The following CAB39 variants were observed in gnomAD, a reference collection of about 807,000 sequenced individuals.
CAB39 encodes the protein calcium-binding protein 39.
In CAB39, 8 loss-of-function variants were observed where a neutral mutation model predicts 40.0. The ratio of observed to expected loss-of-function variants is 0.20; its 90% CI spans 0.12 to 0.36. The LOEUF (loss-of-function observed/expected upper bound fraction) is 0.36. Among genes scored for constraint, CAB39 ranks in the 10% least tolerant of loss-of-function variants. The pLI, the probability that CAB39 is intolerant of heterozygous loss-of-function variation, is 1.00. For synonymous variants in CAB39, 156 were observed against 141.6 expected, an observed-to-expected ratio of 1.10 and a Z score of -0.72; for missense variants, 270 against 401.1, an observed-to-expected ratio of 0.67 and a Z score of 2.79.
At chr2:230,809,374 G>C (rs2124979354) in intron 5 of CAB39, among the ~76,000 whole-genome samples, 1 of 152,354 alleles carries the variant, frequency 6.6e-6, no homozygotes, top group South Asian at 2.1e-4. Flanking sequence ...GTGGTTGGGA[G>C]AAAGGCGATG....
chr2:230,717,521 C>T (rs533332757), intron 1 of CAB39, among the ~76,000 whole-genome samples: 5 of 152,076 alleles, frequency 3.3e-5, no homozygotes, highest in Non-Finnish European at 5.9e-5. Context: ...CTCTACAGTC[C>T]GGAATATGGG....
intron 4 of CAB39, among the ~76,000 whole-genome samples, chr2:230,798,504 G>A (rs915287081): frequency 1.3e-5 from 2 of 152,126 alleles, no homozygotes; most frequent in Non-Finnish European, 2.9e-5. Flanking sequence ...TTTTTCTTTG[G>A]TTTAAGGCGG....
intron 1 of CAB39, among the ~76,000 whole-genome samples, chr2:230,730,859 C>T (rs754341944): frequency 1.3e-5 from 2 of 152,080 alleles, no homozygotes; most frequent in Non-Finnish European, 2.9e-5. Flanking sequence ...GCGATGATGG[C>T]CGAAGTGTTG....
At chr2:230,766,253 A>C (rs1695383612) in intron 2 of CAB39, among the ~76,000 whole-genome samples, 1 of 152,250 alleles carries the variant, frequency 6.6e-6, no homozygotes, top group East Asian at 1.9e-4. Context: ...CAATGCATAA[A>C]GAAGTGGTTT....
At chr2:230,736,295 G>A (rs959661053) in intron 1 of CAB39, among the ~76,000 whole-genome samples, 11 of 152,168 alleles carry the variant, frequency 7.2e-5, no homozygotes, top group African/African-American at 1.9e-4. Flanking sequence ...CTACACCCTC[G>A]TGCTAAAATT....
At chr2:230,809,230 C>T (rs931632387) in intron 5 of CAB39, among the ~76,000 whole-genome samples, 8 of 152,128 alleles carry the variant, frequency 5.3e-5, no homozygotes, top group Non-Finnish European at 1.0e-4. Context: ...GCACTTCCCT[C>T]GTTTGCTTGA....
intron 1 of CAB39, among the ~76,000 whole-genome samples, chr2:230,733,465 C>T (rs181283884): frequency 3.9e-5 from 6 of 152,298 alleles, no homozygotes; most frequent in Non-Finnish European, 5.9e-5. Context: ...ATTGCCTTGA[C>T]TTTTCTTCCT....
chr2:230,777,562 G>A (rs1695616626), intron 2 of CAB39, among the ~76,000 whole-genome samples: 1 of 151,774 alleles, frequency 6.6e-6, no homozygotes, highest in Non-Finnish European at 1.5e-5. Context: ...TGGGATTACA[G>A]GTACCTGGCT....
intron 2 of CAB39, among the ~76,000 whole-genome samples, chr2:230,768,671 A>T (rs563491284): frequency 6.6e-6 from 1 of 152,204 alleles, no homozygotes; most frequent in Non-Finnish European, 1.5e-5. Flanking sequence ...AAACGGGTCA[A>T]TTAGGTGGAG....
chr2:230,764,004 C>G (rs1695339838), intron 2 of CAB39, among the ~76,000 whole-genome samples: 1 of 151,980 alleles, frequency 6.6e-6, no homozygotes, highest in South Asian at 2.1e-4. Context: ...CACCTATAGT[C>G]CCAGCTACTC....
chr2:230,770,307 A>T (rs1047579222), intron 2 of CAB39, among the ~76,000 whole-genome samples: 3 of 152,208 alleles, frequency 2.0e-5, no homozygotes, highest in African/African-American at 7.2e-5. Context: ...ATTACCACAG[A>T]TTGTACAAGT....
intron 2 of CAB39, among the ~76,000 whole-genome samples, chr2:230,776,733 C>G (rs1695594027): frequency 6.6e-6 from 1 of 151,734 alleles, no homozygotes; most frequent in Non-Finnish European, 1.5e-5. Flanking sequence ...CTCTGTCACC[C>G]AGGCTGGCAT....
chr2:230,790,258 C>G (rs974666403), intron 2 of CAB39, among the ~76,000 whole-genome samples: 4 of 151,804 alleles, frequency 2.6e-5, no homozygotes, highest in African/African-American at 9.7e-5. Context: ...AAAAAAATGT[C>G]GTTTTATGTA....
intron 1 of CAB39, among the ~76,000 whole-genome samples, chr2:230,756,624 A>G (rs1380985438): frequency 6.6e-6 from 1 of 152,186 alleles, no homozygotes; most frequent in Non-Finnish European, 1.5e-5. Context: ...TATTACACTC[A>G]TACTTTAAAA....
intron 1 of CAB39, among the ~76,000 whole-genome samples, chr2:230,722,669 G>C (rs1367139735): frequency 2.6e-5 from 4 of 152,214 alleles, no homozygotes; most frequent in African/African-American, 9.6e-5. Context: ...GCCATGCATA[G>C]CGTGTCTGAT....
chr2:230,738,479 C>CT (rs1694824299), intron 1 of CAB39, among the ~76,000 whole-genome samples: 3 of 152,122 alleles, frequency 2.0e-5, no homozygotes, highest in Non-Finnish European at 4.4e-5. Context: ...CTTCATATGC[C>CT]AGTTAGTGTG....
At chr2:230,728,305 A>T (rs1694624458) in intron 1 of CAB39, among the ~76,000 whole-genome samples, 1 of 152,184 alleles carries the variant, frequency 6.6e-6, no homozygotes, top group African/African-American at 2.4e-5. Flanking sequence ...AAAATACAAA[A>T]TATAAGAACA....
Position 230,728,625 on chromosome 2 carries a change from T to A in CAB39, c.-44+15395T>A, listed in dbSNP as rs116775620. ...CCCCAATTTATCTTTTATATGTTTT[T>A]TTGAGACAGGGTCTTGCTTTATCAC... On this transcript the variant is annotated intron_variant, in intron 1 of 8. Transcript: ENST00000258418. Among the ~76,000 whole-genome samples, 1,465 of 152,298 alleles carry A rather than the reference T, an allele frequency of 9.6e-3. 25 individuals are homozygous for A. The highest frequency in any genetic ancestry group is 0.033 in the African/African-American group (1,386 of 41,544).
chr2:230,733,469 T>C (rs1293542479), intron 1 of CAB39, among the ~76,000 whole-genome samples: 2 of 152,226 alleles, frequency 1.3e-5, no homozygotes, highest in Non-Finnish European at 2.9e-5. Flanking sequence ...CCTTGACTTT[T>C]CTTCCTTCTC....
Sources: gnomAD v4.1 joint callset for allele counts (sites outside exome capture counted in the v4.1 genomes callset) on GRCh38, gnomAD v4.1.1 for gene constraint, MANE v1.5 for transcripts, NCBI Gene and HGNC (gene_info 2026-07-23, HGNC 2026-07-21) for gene names.